RALYL: variants seen among roughly 807,000 people sequenced by gnomAD.
RALYL encodes RALY RNA binding protein like.
In RALYL, 29 loss-of-function variants were observed where a neutral mutation model predicts 35.1. That is an observed-to-expected ratio of 0.83 (90% CI 0.61 to 1.13). RALYL has a LOEUF of 1.13. Ranked by LOEUF, RALYL falls within the 50% of genes most tolerant of loss-of-function variation. RALYL has a pLI of 0.00. For synonymous variants in RALYL, 120 were observed against 127.6 expected, an observed-to-expected ratio of 0.94 and a Z score of 0.40; for missense variants, 359 against 360.4, an observed-to-expected ratio of 1.00 and a Z score of 0.03.
At position 84,351,136 on chromosome 8, in the gene RALYL, G is replaced by C. The variant is rs150517504; in HGVS notation, c.-24+166712G>C. ...CAATATCGAACAGTGTTACATTAAA[G>C]TAAAATGTTTATTTATAACAGACAA... On this transcript the variant is annotated intron_variant, in intron 1 of 8. Coordinates refer to ENST00000521268, the MANE Select transcript of RALYL (RefSeq NM_173848.7). Among the ~76,000 whole-genome samples, 442 of 150,172 alleles carry C rather than the reference G, an allele frequency of 2.9e-3. 19 individuals are homozygous for C. The highest frequency in any genetic ancestry group is 0.01 in the African/African-American group (415 of 40,426).
intron 1 of RALYL, among the ~76,000 whole-genome samples, chr8:84,484,287 A>G (rs2054369032): frequency 6.6e-6 from 1 of 152,136 alleles, no homozygotes. Flanking sequence ...AGCAAGAAGG[A>G]CAAACCAGGT....
At chr8:84,592,492 A>G (rs1214782897) in intron 2 of RALYL, among the ~76,000 whole-genome samples, 1 of 152,116 alleles carries the variant, frequency 6.6e-6, no homozygotes, top group Non-Finnish European at 1.5e-5. Flanking sequence ...AAATTTCCTT[A>G]AACTCTGTGG....
chr8:84,490,719 A>C (rs1031622099), intron 1 of RALYL, among the ~76,000 whole-genome samples: 1 of 150,132 alleles, frequency 6.7e-6, no homozygotes, highest in African/African-American at 2.4e-5. Context: ...ATATATTTTT[A>C]TTATTATTAT....
chr8:84,776,798 A>G (rs1347876204), intron 3 of RALYL, among the ~76,000 whole-genome samples: 1 of 152,144 alleles, frequency 6.6e-6, no homozygotes, highest in Non-Finnish European at 1.5e-5. Context: ...TTATTTCTCT[A>G]TTACTGTTAT....
At chr8:84,404,514 A>T (rs995523420) in intron 1 of RALYL, among the ~76,000 whole-genome samples, 16 of 152,178 alleles carry the variant, frequency 1.1e-4, no homozygotes, top group Non-Finnish European at 1.9e-4. Flanking sequence ...CATCCCAGGG[A>T]TGAAGCCTAC....
chr8:84,367,318 A>ATTTTTTTTTTTTTTT (rs56387511), intron 1 of RALYL, among the ~76,000 whole-genome samples: 2 of 27,408 alleles, frequency 7.3e-5, no homozygotes, highest in Non-Finnish European at 2.0e-4. Flanking sequence ...TAATTTTTGT[A>ATTTTTTTTTTTTTTT]TTTTTTTTTT....
At chr8:84,320,158 G>A (rs1844533774) in intron 1 of RALYL, among the ~76,000 whole-genome samples, 1 of 151,978 alleles carries the variant, frequency 6.6e-6, no homozygotes, top group Non-Finnish European at 1.5e-5. Flanking sequence ...AATAGTTGAT[G>A]TCAGATTCAG....
chr8:84,494,121 T>A (rs1320150212), intron 1 of RALYL, among the ~76,000 whole-genome samples: 1 of 152,204 alleles, frequency 6.6e-6, no homozygotes, highest in African/African-American at 2.4e-5. Flanking sequence ...TTTCTGCATA[T>A]GGCTAGCCAG....
At chr8:84,893,762 G>A (rs1421479047) in intron 8 of RALYL, among the ~76,000 whole-genome samples, 4 of 152,094 alleles carry the variant, frequency 2.6e-5, no homozygotes, top group African/African-American at 9.7e-5. Flanking sequence ...AATTCCCAAA[G>A]GAAACTATAG....
chr8:84,462,965 C>T (rs568714087), intron 1 of RALYL, among the ~76,000 whole-genome samples: 1 of 151,794 alleles, frequency 6.6e-6, no homozygotes, highest in Non-Finnish European at 1.5e-5. Context: ...ATATTAAGCA[C>T]CCATTTTTAA....
chr8:84,412,331 A>AT (rs2044190692), intron 1 of RALYL, among the ~76,000 whole-genome samples: 2 of 151,882 alleles, frequency 1.3e-5, no homozygotes, highest in Admixed American at 1.3e-4. Context: ...ATTTTATTTT[A>AT]TTTTTTCTGA....
intron 1 of RALYL, among the ~76,000 whole-genome samples, chr8:84,257,571 C>T (rs1467478775): frequency 6.6e-6 from 1 of 152,126 alleles, no homozygotes; most frequent in East Asian, 1.9e-4. Flanking sequence ...TTTTCATCAA[C>T]ATCGTCATGG....
chr8:84,185,270 A>G (rs1812214688), intron 1 of RALYL: 1 of 538,336 alleles, frequency 1.9e-6, no homozygotes, highest in Non-Finnish European at 3.3e-6. Flanking sequence ...ATTTTGTTAA[A>G]GGGGCAGAGT....
chr8:84,426,510 ACTTTC>A (rs1457666652), intron 1 of RALYL, among the ~76,000 whole-genome samples: 1 of 151,402 alleles, frequency 6.6e-6, no homozygotes, highest in Middle Eastern at 3.4e-3. Flanking sequence ...ATCATGCAAT[ACTTTC>A]CTTTCTATGT....
chr8:84,720,440 G>T (rs983445611), intron 2 of RALYL, among the ~76,000 whole-genome samples: 2 of 152,108 alleles, frequency 1.3e-5, no homozygotes, highest in African/African-American at 4.8e-5. Flanking sequence ...TGGAAAAGCT[G>T]AATATGTACA....
chr8:84,807,827 T>C (rs1825017978), intron 4 of RALYL, among the ~76,000 whole-genome samples: 1 of 152,242 alleles, frequency 6.6e-6, no homozygotes, highest in Non-Finnish European at 1.5e-5. Context: ...TTGAGTACTA[T>C]CTATTCATGT....
At chr8:84,737,093 A>T (rs145407762) in intron 2 of RALYL, among the ~76,000 whole-genome samples, 3 of 152,086 alleles carry the variant, frequency 2.0e-5, no homozygotes, top group Admixed American at 6.6e-5. Context: ...AACTCTATCT[A>T]TTAAGAGCTC....
intron 1 of RALYL, among the ~76,000 whole-genome samples, chr8:84,226,199 A>G (rs1010832964): frequency 4.6e-5 from 7 of 152,148 alleles, no homozygotes; most frequent in Non-Finnish European, 1.0e-4. Context: ...TCTAGGTTGC[A>G]TGCTTCTTAT....
At chr8:84,799,604 A>AGTT (rs1419629645) in intron 3 of RALYL, among the ~76,000 whole-genome samples, 1 of 152,230 alleles carries the variant, frequency 6.6e-6, no homozygotes, top group African/African-American at 2.4e-5. Context: ...CTTTCTTTTT[A>AGTT]GTTTGGTCAC....
Sources: allele counts gnomAD v4.1 joint callset (sites outside exome capture counted in the v4.1 genomes callset), GRCh38; gene constraint gnomAD v4.1.1; transcripts MANE v1.5; gene names NCBI Gene and HGNC (gene_info 2026-07-23, HGNC 2026-07-21).